Variants in PTPRN2 observed in about 807,000 individuals in gnomAD.
PTPRN2 encodes the protein receptor-type tyrosine-protein phosphatase N2.
A neutral mutation model predicts 118.8 loss-of-function variants in PTPRN2; 74 were observed. The ratio of observed to expected loss-of-function variants is 0.62; its 90% CI spans 0.52 to 0.76. PTPRN2 has a LOEUF of 0.76. Among genes scored for constraint, PTPRN2 ranks in the 30% least tolerant of loss-of-function variants. PTPRN2 has a pLI of 0.00. For missense variants in PTPRN2, 1,481 were observed against 1,394.4 expected (o/e 1.06, Z -0.99); for synonymous variants, 641 against 608.0 (o/e 1.05, Z -0.80).
chr7:157,816,315 C>T (rs2151128717), intron 12 of PTPRN2, among the ~76,000 whole-genome samples: 1 of 152,298 alleles, frequency 6.6e-6, no homozygotes, highest in East Asian at 1.9e-4. Flanking sequence ...CCTGGGTCGG[C>T]CCCAGGGTGA....
In PTPRN2 at chr7:157,540,749, C is replaced by T; in HGVS notation, c.3013G>A (p.Glu1005Lys). 3 of 1,569,872 alleles carry T rather than the reference C, an allele frequency of 1.9e-6. No individual in the cohort carries two copies. Among genetic ancestry groups the T allele is most frequent in the Non-Finnish European group, 2.6e-6 (3 of 1,157,294 alleles). Residue 1005 changes from glutamate to lysine, a missense_variant, in exon 23 of 23, where the codon GAG becomes AAG. Physicochemically the swap from Glu to Lys is moderately conservative, Grantham distance 56. This residue lies in a region of PTPRN2 where 362 missense variants were observed against 384.1 expected (regional missense o/e 0.94). Coordinates refer to ENST00000389418, the MANE Select transcript of PTPRN2 (RefSeq NM_002847.5). ...FEFALTAVAEEVNAILKALPQ is the reference protein window; with the variant it reads ...FEFALTAVAEKVNAILKALPQ Reference sequence around the variant, plus strand: ...AGGGCCTTGAGGATGGCGTTCACCTCCTCAGCCACGGCTGTCAGCGCGAAC... The same window carrying T: ...AGGGCCTTGAGGATGGCGTTCACCTTCTCAGCCACGGCTGTCAGCGCGAAC...
At chr7:158,296,392 A>G (rs1800502957) in intron 3 of PTPRN2, among the ~76,000 whole-genome samples, 1 of 152,138 alleles carries the variant, frequency 6.6e-6, no homozygotes, top group South Asian at 2.1e-4. Context: ...GCTCCTGCTG[A>G]GAGTTACTTC....
chr7:157,585,192 C>T lies in PTPRN2; in HGVS notation c.2497-7052G>A, dbSNP rs1259711557. ...CCCCCCTGTGCCGCTATCAGATCGACGCCTGTGCTGCCTTGTAGCCCCATC... is the reference window on the plus strand; with the variant it reads ...CCCCCCTGTGCCGCTATCAGATCGATGCCTGTGCTGCCTTGTAGCCCCATC... On this transcript the variant is annotated intron_variant, in intron 17 of 22. Transcript: ENST00000389418. The surrounding 1 kb of genome is among the most constrained non-coding windows in gnomAD (Gnocchi z 5.2). 1.3e-4 allele frequency among the ~76,000 whole-genome samples: 20 copies of T among 152,236 alleles called. No individual in the cohort carries two copies. The highest frequency in any genetic ancestry group is 1.2e-3 in the Admixed American group (18 of 15,286).
At chr7:157,946,517 G>A (rs1482503837) in intron 11 of PTPRN2, among the ~76,000 whole-genome samples, 1 of 152,216 alleles carries the variant, frequency 6.6e-6, no homozygotes, top group African/African-American at 2.4e-5. Flanking sequence ...TCAGCATGCA[G>A]CCCAGATGTG....
At chr7:157,638,848 A>G (rs898832477) in intron 14 of PTPRN2, among the ~76,000 whole-genome samples, 1 of 152,176 alleles carries the variant, frequency 6.6e-6, no homozygotes, top group African/African-American at 2.4e-5. Context: ...ATTAGCCGTC[A>G]GGGCCCACTC....
intron 3 of PTPRN2, among the ~76,000 whole-genome samples, chr7:158,247,088 C>G (rs140901271): frequency 3.9e-5 from 6 of 152,220 alleles, no homozygotes; most frequent in African/African-American, 1.4e-4. Flanking sequence ...ATCCCTGGCA[C>G]GGGCTGCCTC....
chr7:158,391,749 G>A (rs1343051951), intron 2 of PTPRN2, among the ~76,000 whole-genome samples: 2 of 152,212 alleles, frequency 1.3e-5, no homozygotes, highest in East Asian at 3.9e-4. Context: ...GGGATGGGAG[G>A]AGGCAGGAGG....
chr7:157,952,363 GAGGGTGGGACAGGCA>G (rs1366590838), intron 11 of PTPRN2, among the ~76,000 whole-genome samples: 24 of 148,844 alleles, frequency 1.6e-4, no homozygotes, highest in Non-Finnish European at 3.2e-4. Flanking sequence ...GGAGACAGGC[GAGGGTGGGACAGGCA>G]AGGGTGGGTA....
At position 158,233,244 on chromosome 7, in the gene PTPRN2, T is replaced by C. The variant is rs141020723; in HGVS notation, c.278-27971A>G. On this transcript the variant is annotated intron_variant, in intron 3 of 22. Transcript: ENST00000389418. ...AAAGTTGCAGGATACAAAATCAACA[T>C]ACAAAAATCAGCAGCATTTATATAT... Among the ~76,000 whole-genome samples, 1,590 of 152,184 alleles carry C rather than the reference T, an allele frequency of 0.01. 87 individuals carry two copies. In the East Asian group the frequency reaches 0.17, roughly 17 times the overall value.
At chr7:158,581,140 C>T (rs1409597764) in intron 1 of PTPRN2, among the ~76,000 whole-genome samples, 3 of 152,160 alleles carry the variant, frequency 2.0e-5, no homozygotes, top group Middle Eastern at 3.2e-3. Context: ...GTTCTGACAG[C>T]GTGTAGAATC....
chr7:157,711,657 A>G (rs1798625559), intron 12 of PTPRN2, among the ~76,000 whole-genome samples: 1 of 152,062 alleles, frequency 6.6e-6, no homozygotes, highest in South Asian at 2.1e-4. Flanking sequence ...TGTCTAATGC[A>G]GGGCCTAGGC....
Position 158,459,813 on chromosome 7 carries a change from G to A in PTPRN2, c.163+29922C>T, listed in dbSNP as rs1268657078. ...GCTCCTCCTAGAGGGGCTGTGTACC[G>A]TGAGCACAGGAGGGTCATCCAGCTA... is the stretch of plus-strand genomic sequence containing the variant. On this transcript the variant is annotated intron_variant, in intron 2 of 22. Transcript: ENST00000389418. 1.1e-4 allele frequency among the ~76,000 whole-genome samples: 16 copies of A among 141,304 alleles called. 1 individual carries two copies. The highest frequency in any genetic ancestry group is 7.7e-4 in the Admixed American group (11 of 14,286). The allele number at this position is 141,304 out of a possible 152,430, so 92.7% of individuals were successfully genotyped here. A position where few individuals can be genotyped will look rare whatever the true frequency, so the allele number is the denominator to read the frequency against.
chr7:157,697,968 A>G (rs1489283552), intron 12 of PTPRN2, among the ~76,000 whole-genome samples: 275 of 103,582 alleles, frequency 2.7e-3, no homozygotes, highest in East Asian at 7.2e-3. Context: ...ACTGGATCTT[A>G]GCAGAGCCCT....
chr7:157,660,821 C>T (rs1795848183), intron 13 of PTPRN2, among the ~76,000 whole-genome samples: 1 of 152,194 alleles, frequency 6.6e-6, no homozygotes, highest in African/African-American at 2.4e-5. Context: ...GTGGTGTAAT[C>T]TCAGCTCACT....
rs1267431198 is a variant in PTPRN2 at position 158,339,305 on chromosome 7, C to T, written c.164-22373G>A. On this transcript the variant is annotated intron_variant, in intron 2 of 22. Coordinates refer to ENST00000389418, the MANE Select transcript of PTPRN2 (RefSeq NM_002847.5). Reference sequence around the variant, plus strand: ...CACCATAAGAGCTGACACCTGCATACGTCACTCACACCCACACTCTCAACC... The same window carrying T: ...CACCATAAGAGCTGACACCTGCATATGTCACTCACACCCACACTCTCAACC... Among the ~76,000 whole-genome samples, 2 of 8,008 alleles carry T rather than the reference C, an allele frequency of 2.5e-4. 1 individual carries two copies. Among genetic ancestry groups the T allele is most frequent in the Non-Finnish European group, 4.8e-4 (2 of 4,142 alleles). The allele number at this position is 8,008 out of a possible 152,430, so 5.3% of individuals were successfully genotyped here.
chr7:157,783,345 C>T (rs1803800710), intron 12 of PTPRN2, among the ~76,000 whole-genome samples: 1 of 151,592 alleles, frequency 6.6e-6, no homozygotes. Flanking sequence ...ACAATGGACA[C>T]TCCCATGCAC....
intron 3 of PTPRN2, among the ~76,000 whole-genome samples, chr7:158,308,857 C>G (rs1384388780): frequency 6.6e-6 from 1 of 151,824 alleles, no homozygotes; most frequent in Non-Finnish European, 1.5e-5. Flanking sequence ...TAATCATATG[C>G]CAACAAACTA....
intron 14 of PTPRN2, among the ~76,000 whole-genome samples, chr7:157,636,271 C>A (rs1411616667): frequency 1.3e-5 from 2 of 152,154 alleles, no homozygotes; most frequent in East Asian, 3.9e-4. Flanking sequence ...CATAGCTTCC[C>A]TTGGCTATGT....
intron 2 of PTPRN2, among the ~76,000 whole-genome samples, chr7:158,434,783 T>A (rs1816463172): frequency 6.6e-6 from 1 of 152,230 alleles, no homozygotes; most frequent in South Asian, 2.1e-4. Flanking sequence ...TTCCCTTTCT[T>A]AGCTTGTTAG....
Sources: gnomAD v4.1 joint callset for allele counts (sites outside exome capture counted in the v4.1 genomes callset) on GRCh38, gnomAD v4.1.1 for gene constraint, gnomAD v4.1.1 regional missense constraint, Gnocchi (gnomAD v3.1) non-coding constraint, MANE v1.5 for transcripts, NCBI Gene and HGNC (gene_info 2026-07-23, HGNC 2026-07-21) for gene names.